TARS1: variants seen among roughly 807,000 people sequenced by gnomAD.
TARS1 encodes the protein threonine--tRNA ligase 1, cytoplasmic.
TARS1 carries 57 observed loss-of-function variants against 97.7 expected under a neutral mutation model. The observed-to-expected ratio is 0.58, with a 90% CI of 0.47 to 0.73. The LOEUF (loss-of-function observed/expected upper bound fraction) is 0.73. Ranked by LOEUF, TARS1 falls within the 30% of genes least tolerant of loss-of-function variation. The probability of loss-of-function intolerance (pLI) is 0.00; values close to 1 mark genes in which losing one functional copy is unlikely to be tolerated. For missense variants in TARS1, 806 were observed against 888.3 expected (o/e 0.91, Z 1.18); for synonymous variants, 312 against 293.7 (o/e 1.06, Z -0.64).
At chr5:33,455,565 A>G (rs1377807356) in intron 5 of TARS1, 22 bp from the exon 6 acceptor site, 2 of 1,500,274 alleles carry the variant, frequency 1.3e-6, no homozygotes, top group South Asian at 1.2e-5. Flanking sequence ...GAATGAAAAG[A>G]TTATACTTTC....
chr5:33,445,236 T>C, intron 1 of TARS1, 88 bp from the exon 2 acceptor site: 2 of 990,958 alleles, frequency 2.0e-6, no homozygotes, highest in Admixed American at 2.6e-5. Context: ...TAACAAATAC[T>C]AAAATAACAT....
chr5:33,449,182 G>A (rs1741579389), intron 3 of TARS1, among the ~76,000 whole-genome samples: 1 of 151,866 alleles, frequency 6.6e-6, no homozygotes, highest in African/African-American at 2.4e-5. Flanking sequence ...TTATTGGGGT[G>A]GGAAGAAGTT....
chr5:33,448,532 G>T lies in TARS1; in HGVS notation c.139-9G>T. Reference sequence around the variant, plus strand: ...TCATTTATTTCCTGATTTGTTTGTTGTCTTGCAGTTGAATCCTTGGCCTGA... The same window carrying T: ...TCATTTATTTCCTGATTTGTTTGTTTTCTTGCAGTTGAATCCTTGGCCTGA... On this transcript the variant is annotated splice_polypyrimidine_tract_variant and intron_variant, in intron 2 of 18. Transcript: ENST00000265112. 6.4e-7 allele frequency: 1 copy of T among 1,551,154 alleles called. No homozygotes were observed. Among genetic ancestry groups the T allele is most frequent in the Non-Finnish European group, 8.7e-7 (1 of 1,147,060 alleles).
At position 33,464,272 on chromosome 5, in the gene TARS1, G is replaced by A. The variant is rs77972413; in HGVS notation, c.1908+447G>A. On this transcript the variant is annotated intron_variant, in intron 17 of 18. Coordinates refer to ENST00000265112, the MANE Select transcript of TARS1 (RefSeq NM_152295.5). ...AAAAAACCAGATTAGCAGATATCAG[G>A]TACTTCAGTATGGTAGGTAAATTCC... Among the ~76,000 whole-genome samples, 1,396 of 152,204 alleles carry A rather than the reference G, an allele frequency of 9.2e-3. 22 individuals carry two copies. Among genetic ancestry groups the A allele is most frequent in the African/African-American group, 0.032 (1,309 of 41,510 alleles).
chr5:33,454,686 T>C (rs775775075), intron 4 of TARS1, among the ~76,000 whole-genome samples: 2 of 152,240 alleles, frequency 1.3e-5, no homozygotes, highest in Non-Finnish European at 2.9e-5. Context: ...ATTTAATTAG[T>C]GATGCCAAGT....
Position 33,461,183 on chromosome 5 carries a change from T to G in TARS1, c.1439T>G (p.Leu480Trp). Residue 480 changes from leucine (L) to tryptophan (W), a missense_variant, in exon 13 of 19, where the codon TTG becomes TGG. Leu to Trp is a moderately conservative substitution (Grantham distance 61). Around this residue, in one of 3 missense-constraint regions of TARS1, gnomAD observed 446 missense variants for 511.0 expected, o/e 0.87. Transcript: ENST00000265112. ...ATTGAAGATGAAATAAAAGGTTGTTTGGATTTTCTACGTACGGTATATAGC... is the reference window on the plus strand; with the variant it reads ...ATTGAAGATGAAATAAAAGGTTGTTGGGATTTTCTACGTACGGTATATAGC... The part of the protein sequence containing the change: ...EQIEDEIKGC[L>W]DFLRTVYSVF... 1 of 1,607,760 alleles carries G rather than the reference T, an allele frequency of 6.2e-7. No individual in the cohort carries two copies. Among genetic ancestry groups the G allele is most frequent in the Non-Finnish European group, 8.5e-7 (1 of 1,177,262 alleles).
At chr5:33,458,711 C>G (rs746797012) in intron 10 of TARS1, 47 bp downstream of exon 10, 1 of 1,423,592 alleles carries the variant, frequency 7.0e-7, no homozygotes, top group East Asian at 2.3e-5. Context: ...GATATGTGAT[C>G]ATTTTATTAA....
At chr5:33,442,149 T>C (rs1741132573) in intron 1 of TARS1, among the ~76,000 whole-genome samples, 1 of 152,156 alleles carries the variant, frequency 6.6e-6, no homozygotes, top group Admixed American at 6.5e-5. Context: ...CCCAAGTCTG[T>C]GACAGGACAG....
At chr5:33,442,746 C>T (rs1308467399) in intron 1 of TARS1, among the ~76,000 whole-genome samples, 1 of 149,322 alleles carries the variant, frequency 6.7e-6, no homozygotes, top group Non-Finnish European at 1.5e-5. Context: ...CCTCGTGATC[C>T]GCCCGTCTCG....
chr5:33,452,321 C>G, intron 3 of TARS1: 1 of 1,522,438 alleles, frequency 6.6e-7, no homozygotes, highest in Non-Finnish European at 8.8e-7. Context: ...ATCTGGCTCA[C>G]CTACTCAACT....
At chr5:33,463,855 T>C (rs942117082) in intron 17 of TARS1, 30 bp downstream of exon 17, 1 of 1,578,872 alleles carries the variant, frequency 6.3e-7, no homozygotes, top group Non-Finnish European at 8.7e-7. Flanking sequence ...TTTCTTTCAA[T>C]TTAACATCTG....
At chr5:33,458,976 A>G (rs546604275) in intron 10 of TARS1, among the ~76,000 whole-genome samples, 1 of 152,292 alleles carries the variant, frequency 6.6e-6, no homozygotes, top group East Asian at 1.9e-4. Context: ...TTTGTAAATT[A>G]TGAAATGTTT....
chr5:33,447,857 T>G (rs1022904366), intron 2 of TARS1, among the ~76,000 whole-genome samples: 28 of 152,372 alleles, frequency 1.8e-4, no homozygotes, highest in African/African-American at 6.3e-4. Flanking sequence ...ACTGCCTTTT[T>G]GAAATGTTCC....
chr5:33,447,980 T>C (rs1384147237), intron 2 of TARS1, among the ~76,000 whole-genome samples: 2 of 152,260 alleles, frequency 1.3e-5, no homozygotes, highest in Middle Eastern at 3.2e-3. Flanking sequence ...ATATTTTTGT[T>C]AATTTTATCT....
At position 33,467,671 on chromosome 5, in the gene TARS1, A is replaced by G; in HGVS notation, c.2135A>G (p.Lys712Arg). The change falls in exon 19 of 19, where the codon AAA (lysine) becomes AGA (arginine). Residue 712 changes from lysine (K) to arginine (R), a missense_variant. Lys to Arg is a conservative substitution (Grantham distance 26). Transcript: ENST00000265112. ...SETIERLQQL[K>R]EFRSKQAEEE... ...ACTATCGAGCGGCTACAGCAGCTCA[A>G]AGAGTTCCGCAGCAAACAGGCAGAA... is the stretch of plus-strand genomic sequence containing the variant. 1 of 1,613,732 alleles carries G rather than the reference A, an allele frequency of 6.2e-7. No homozygotes were observed. Among genetic ancestry groups the G allele is most frequent in the African/African-American group, 1.3e-5 (1 of 75,046 alleles).
Position 33,461,039 on chromosome 5 carries a change from C to G in TARS1, c.1388C>G (p.Ala463Gly). The G allele has an allele frequency of 6.2e-7, 1 of 1,614,152 alleles. No individual in the cohort carries two copies. Among genetic ancestry groups the G allele is most frequent in the Non-Finnish European group, 8.5e-7 (1 of 1,180,038 alleles). Residue 463 changes from alanine (A) to glycine (G), a missense_variant, in exon 12 of 19, where the codon GCT becomes GGT. Ala to Gly is a moderately conservative substitution (Grantham distance 60). Around this residue, in one of 3 missense-constraint regions of TARS1, gnomAD observed 446 missense variants for 511.0 expected, o/e 0.87. Transcript: ENST00000265112. ...GTACGAAGATTCCAACAGGATGATG[C>G]TCACATATTCTGTGCCATGGAGCAG... ...TRVRRFQQDD[A>G]HIFCAMEQIE...
rs142292628 is a variant in TARS1, at chr5:33,453,193, A to G, written c.330-96A>G. 1.8e-3 allele frequency: 2,379 copies of G among 1,299,768 alleles called. 56 individuals carry two copies. The African/African-American group carries it at 0.032, about 18-fold the overall frequency. 80.5% of individuals were successfully genotyped at this position (1,299,768 alleles called of 1,614,324 possible). A position where few individuals can be genotyped will look rare whatever the true frequency, so the allele number is the denominator to read the frequency against. On this transcript the variant is annotated intron_variant, in intron 3 of 18. Transcript: ENST00000265112. ...AGAGATACATCAATATAAAAAAACA[A>G]TATATAATAAAAATAGTGTTTATTT...
At chr5:33,464,901 T>TA (rs1164718336) in intron 17 of TARS1, among the ~76,000 whole-genome samples, 1 of 151,448 alleles carries the variant, frequency 6.6e-6, no homozygotes, top group Non-Finnish European at 1.5e-5. Context: ...CCGTCTCTAC[T>TA]AAAAAATACA....
At position 33,459,839 on chromosome 5, in the gene TARS1, C is replaced by T. The variant is rs1336879785; in HGVS notation, c.1228C>T (p.Pro410Ser). 2 of 1,614,110 alleles carry T rather than the reference C, an allele frequency of 1.2e-6. No individual in the cohort carries two copies. Among genetic ancestry groups the T allele is most frequent in the East Asian group, 2.2e-5 (1 of 44,884 alleles). The part of the protein sequence containing the change: ...EVEKELFALK[P>S]MNCPGHCLMF... ...GGAGAAGGAGCTGTTTGCCCTGAAA[C>T]CCATGAACTGCCCAGGACACTGGTA... Residue 410 changes from proline (P) to serine (S), a missense_variant, in exon 11 of 19, where the codon CCC becomes TCC. Pro to Ser is a moderately conservative substitution (Grantham distance 74). Around this residue, in one of 3 missense-constraint regions of TARS1, gnomAD observed 446 missense variants for 511.0 expected, o/e 0.87. Transcript: ENST00000265112.
Sources: gnomAD v4.1 joint callset for allele counts (sites outside exome capture counted in the v4.1 genomes callset) on GRCh38, gnomAD v4.1.1 for gene constraint, gnomAD v4.1.1 regional missense constraint, MANE v1.5 for transcripts, NCBI Gene and HGNC (gene_info 2026-07-23, HGNC 2026-07-21) for gene names.